Variants in AAMDC observed in about 807,000 individuals in gnomAD.
AAMDC encodes mth938 domain-containing protein.
AAMDC carries 16 observed loss-of-function variants against 15.5 expected under a neutral mutation model. The observed-to-expected ratio is 1.03, with a 90% CI of 0.70 to 1.57. The LOEUF (loss-of-function observed/expected upper bound fraction) is 1.57, where lower values mean the gene tolerates loss of function less well. Ranked by LOEUF, AAMDC falls within the 40% of genes most tolerant of loss-of-function variation. AAMDC has a pLI of 0.00. For synonymous variants in AAMDC, 51 were observed against 51.6 expected (o/e 0.99, Z 0.05); for missense variants, 141 against 144.9 (o/e 0.97, Z 0.14).
chr11:77,826,456 A>T (rs1949177368), intron 1 of AAMDC, among the ~76,000 whole-genome samples: 1 of 152,178 alleles, frequency 6.6e-6, no homozygotes, highest in South Asian at 2.1e-4. Context: ...AATAATTCAG[A>T]ACAGGGATAA....
intron 1 of AAMDC, among the ~76,000 whole-genome samples, chr11:77,830,286 T>C (rs144461520): frequency 1.3e-5 from 2 of 152,288 alleles, no homozygotes; most frequent in East Asian, 3.9e-4. Flanking sequence ...GGCTATATGA[T>C]CAAACAGCAA....
At chr11:77,901,606 G>A (rs1952780096), downstream of AAMDC, 9 of 1,364,688 alleles carry the variant, frequency 6.6e-6, no homozygotes, top group Non-Finnish European at 8.4e-6. Flanking sequence ...TTACTTGAGA[G>A]CAGCATAGAA....
intron 1 of AAMDC, among the ~76,000 whole-genome samples, chr11:77,825,275 C>T (rs1003021848): frequency 6.6e-6 from 1 of 151,946 alleles, no homozygotes; most frequent in Non-Finnish European, 1.5e-5. Context: ...AGCCACCAGG[C>T]CTGGCTGCTT....
intron 1 of AAMDC, chr11:77,832,074 T>A (rs1336655701): frequency 6.6e-6 from 1 of 151,908 alleles, no homozygotes; most frequent in Non-Finnish European, 1.5e-5. Context: ...TCTTGTGACT[T>A]CATTTTCTCT....
chr11:77,841,498 T>C (rs1949929035), intron 1 of AAMDC, among the ~76,000 whole-genome samples: 1 of 152,144 alleles, frequency 6.6e-6, no homozygotes, highest in South Asian at 2.1e-4. Context: ...ACTTTCTCTC[T>C]CTACTGATGG....
rs114556935 is a variant in AAMDC at position 77,827,148 on chromosome 11, C to T, written c.-19+5907C>T. ...TTGGGAATTTGAAATTTGCCCCTGG[C>T]CCCGCCCCCCTCAGAAAAGAAAAAA... On this transcript the variant is annotated intron_variant, in intron 1 of 3. Transcript: ENST00000393427. Among the ~76,000 whole-genome samples the T allele has an allele frequency of 4.6e-3, 700 of 152,034 alleles. 5 individuals are homozygous for T. Among genetic ancestry groups the T allele is most frequent in the African/African-American group, 0.016 (682 of 41,498 alleles).
At chr11:77,848,450 C>T (rs1590946666) in intron 2 of AAMDC, among the ~76,000 whole-genome samples, 1 of 151,776 alleles carries the variant, frequency 6.6e-6, no homozygotes, top group South Asian at 2.1e-4. Flanking sequence ...CTCTGCCTCC[C>T]AGGTTCAAGC....
intron 5 of AAMDC, chr11:77,878,981 C>T: frequency 6.2e-7 from 1 of 1,614,106 alleles, no homozygotes; most frequent in Non-Finnish European, 8.5e-7. Flanking sequence ...ATTATATAAA[C>T]TTTTACAGGC....
chr11:77,891,555 G>C, intron 5 of AAMDC: 1 of 1,563,256 alleles, frequency 6.4e-7, no homozygotes, highest in South Asian at 1.2e-5. Flanking sequence ...CTAATGAGTG[G>C]GCATGTGGGA....
At chr11:77,883,956 A>C (rs1173779325) in intron 5 of AAMDC, 1 of 1,612,262 alleles carries the variant, frequency 6.2e-7, no homozygotes, top group Non-Finnish European at 8.5e-7. Context: ...ATAAGACCTA[A>C]AGGGTGACAG....
chr11:77,864,265 T>C (rs1157966495), intron 2 of AAMDC, among the ~76,000 whole-genome samples: 1 of 151,922 alleles, frequency 6.6e-6, no homozygotes, highest in East Asian at 2.0e-4. Flanking sequence ...ATGATTATTC[T>C]TGGGCCCATC....
At chr11:77,895,762 G>C (rs1369707373) in intron 5 of AAMDC, among the ~76,000 whole-genome samples, 1 of 151,970 alleles carries the variant, frequency 6.6e-6, no homozygotes, top group Non-Finnish European at 1.5e-5. Context: ...ATCTTGGAGA[G>C]ACTCCAGGAA....
Position 77,840,280 on chromosome 11 carries a change from G to C in AAMDC, c.-18-2199G>C, listed in dbSNP as rs148187871. Among the ~76,000 whole-genome samples, 206 of 152,314 alleles carry C rather than the reference G, an allele frequency of 1.4e-3. 1 individual carries two copies. The Middle Eastern group carries it at 0.037, about 28-fold the overall frequency. ...TAAGTGGCTCACGCCTGTAATCCCA[G>C]CACTTTGGGAGGCCAAGGCAGGTGG... is the stretch of plus-strand genomic sequence containing the variant. On this transcript the variant is annotated intron_variant, in intron 1 of 3. Coordinates refer to ENST00000393427, the MANE Select transcript of AAMDC (RefSeq NM_024684.4).
At chr11:77,896,667 A>G (rs2136419018) in intron 5 of AAMDC, among the ~76,000 whole-genome samples, 1 of 151,990 alleles carries the variant, frequency 6.6e-6, no homozygotes, top group African/African-American at 2.4e-5. Flanking sequence ...AAAAAAAAAA[A>G]AAGAATTTAC....
chr11:77,869,823 T>C lies in AAMDC; in HGVS notation c.228+6T>C, dbSNP rs1426754117. On this transcript the variant is annotated splice_donor_region_variant and intron_variant, in intron 3 of 3. Transcript: ENST00000393427. ...GGATGAGTGAGGCCTTGAAGGTAGGTGTTGGTATGCACAGCATTCCTGAGG... is the reference window on the plus strand; with the variant it reads ...GGATGAGTGAGGCCTTGAAGGTAGGCGTTGGTATGCACAGCATTCCTGAGG... 4.3e-6 allele frequency: 7 copies of C among 1,612,932 alleles called. No individual in the cohort carries two copies. The African/African-American group carries it at 8.0e-5, about 18-fold the overall frequency.
rs747108878 is a variant in AAMDC, at chr11:77,884,879, T to G, written c.328+7830T>G. 3 of 294,236 alleles carry G rather than the reference T, an allele frequency of 1.0e-5. No individual in the cohort carries two copies. In the East Asian group the frequency reaches 2.8e-4, roughly 27 times the overall value. 18.2% of individuals were successfully genotyped at this position (294,236 alleles called of 1,614,324 possible). A position where few individuals can be genotyped will look rare whatever the true frequency, so the allele number is the denominator to read the frequency against. ...AAGTGATCTTCCTGCCTCAGCCTCC[T>G]GAGGAGTGGGGATTACAGGCACGTG... On this transcript the variant is annotated intron_variant, in intron 5 of 5. Coordinates refer to the AAMDC transcript ENST00000304716.
intron 2 of AAMDC, among the ~76,000 whole-genome samples, chr11:77,857,698 TG>T (rs1477522364): frequency 4.0e-5 from 6 of 151,418 alleles, no homozygotes; most frequent in South Asian, 4.2e-4. Flanking sequence ...TCAACTAAGT[TG>T]TTTTTTTTTT....
chr11:77,838,306 C>A (rs985527255), intron 1 of AAMDC, among the ~76,000 whole-genome samples: 6 of 152,082 alleles, frequency 3.9e-5, no homozygotes, highest in African/African-American at 1.4e-4. Flanking sequence ...TGTGAACATA[C>A]CTTGTAGATA....
At chr11:77,891,526 C>CT in intron 5 of AAMDC, 2 of 1,594,864 alleles carry the variant, frequency 1.3e-6, no homozygotes, top group Non-Finnish European at 8.6e-7. Context: ...GAAAACGCAT[C>CT]TTTTTTCTGT....
Sources: allele counts gnomAD v4.1 joint callset (sites outside exome capture counted in the v4.1 genomes callset), GRCh38; gene constraint gnomAD v4.1.1; transcripts MANE v1.5; gene names NCBI Gene and HGNC (gene_info 2026-07-23, HGNC 2026-07-21).